The following CNST variants were observed in gnomAD, a reference collection of about 807,000 sequenced individuals.
The protein encoded by CNST is consortin, connexin sorting protein.
In CNST, 39 loss-of-function variants were observed where a neutral mutation model predicts 72.4. The observed-to-expected ratio is 0.54, with a 90% CI of 0.42 to 0.70. The LOEUF is 0.70. Among genes scored for constraint, CNST ranks in the 30% least tolerant of loss-of-function variants. CNST has a pLI of 0.00. For synonymous variants in CNST, 332 were observed against 320.1 expected (o/e 1.04, Z -0.40); for missense variants, 871 against 868.5 (o/e 1.00, Z -0.04).
At chr1:246,615,976 T>G (rs1371513347) in intron 2 of CNST, among the ~76,000 whole-genome samples, 4 of 152,192 alleles carry the variant, frequency 2.6e-5, no homozygotes, top group Non-Finnish European at 5.9e-5. Context: ...GGTCTTAAAT[T>G]AGGTCTTATG....
At chr1:246,636,308 G>T (rs1429967889) in intron 6 of CNST, among the ~76,000 whole-genome samples, 2 of 152,082 alleles carry the variant, frequency 1.3e-5, no homozygotes, top group Non-Finnish European at 2.9e-5. Context: ...CCTCTTACTG[G>T]GTTGGTAAGT....
intron 2 of CNST, chr1:246,608,218 G>A (rs763203436): frequency 6.6e-5 from 10 of 152,230 alleles, no homozygotes; most frequent in Non-Finnish European, 1.2e-4. Context: ...GGTGGCATGT[G>A]CCTGAGGTCC....
At chr1:246,642,132 GGTTTTTTTT>G (rs1665750573) in intron 8 of CNST, 95 bp downstream of exon 8, 2 of 198,356 alleles carry the variant, frequency 1.0e-5, no homozygotes. Flanking sequence ...CAAAGGATCT[GGTTTTTTTT>G]TTTTTTTTTT....
At chr1:246,645,673 C>CT (rs1666017012) in intron 8 of CNST, among the ~76,000 whole-genome samples, 2 of 151,314 alleles carry the variant, frequency 1.3e-5, no homozygotes, top group Admixed American at 6.6e-5. Flanking sequence ...GTGATCCATC[C>CT]GCCTCGGCCT....
chr1:246,601,367 T>C (rs1662279252), intron 2 of CNST, among the ~76,000 whole-genome samples: 1 of 152,108 alleles, frequency 6.6e-6, no homozygotes, highest in African/African-American at 2.4e-5. Flanking sequence ...AAAATGATGA[T>C]GAGCCACCAA....
In CNST at chr1:246,577,563, G is replaced by T. The variant is rs146413944; in HGVS notation, c.-52+10900G>T. On this transcript the variant is annotated intron_variant, in intron 1 of 10. Transcript: ENST00000366513. ...AGTTTTAAAAATTTCGGTAAAGGTG[G>T]TCATAATTCTTACAGGAACCAGTTT... Among the ~76,000 whole-genome samples the T allele has an allele frequency of 3.9e-3, 599 of 152,142 alleles. 10 individuals carry two copies. Among genetic ancestry groups the T allele is most frequent in the African/African-American group, 0.014 (575 of 41,404 alleles).
chr1:246,634,973 G>GTAGGTGTCTTCCGGCCGGGA (rs1365830235), intron 6 of CNST, among the ~76,000 whole-genome samples: 11 of 152,090 alleles, frequency 7.2e-5, no homozygotes, highest in African/African-American at 2.4e-4. Flanking sequence ...TCCGGCCGGG[G>GTAGGTGTCTTCCGGCCGGGA]TGCGTGTCTT....
chr1:246,667,321 T>G lies in CNST; in HGVS notation c.*1416T>G, dbSNP rs1667430672. ...TGTGAATCTTAAAGGGCTTTTTATA[T>G]CAGTTGAAAGTGTGTTACTGCGCAT... On this transcript the variant is annotated 3_prime_UTR_variant, in exon 11 of 11. Transcript: ENST00000366513. The G allele has an allele frequency of 1.3e-5, 2 of 152,342 alleles. No homozygotes were observed. The highest frequency in any genetic ancestry group is 4.1e-4 in the South Asian group (2 of 4,832). The allele number at this position is 152,342 out of a possible 1,614,324, so 9.4% of individuals were successfully genotyped here.
At chr1:246,606,875 T>A (rs1662879254) in intron 2 of CNST, 1 of 151,930 alleles carries the variant, frequency 6.6e-6, no homozygotes, top group South Asian at 2.1e-4. Flanking sequence ...AAGCCTGGGT[T>A]CCCCATATCC....
chr1:246,604,957 G>A (rs1057211322), intron 2 of CNST, among the ~76,000 whole-genome samples: 12 of 152,102 alleles, frequency 7.9e-5, no homozygotes, highest in African/African-American at 2.7e-4. Context: ...GTGAGCCACC[G>A]CACATGCACC....
In CNST at chr1:246,668,193, T is replaced by C. The variant is rs1667461616; in HGVS notation, c.*2288T>C. The stretch of plus-strand genomic sequence containing the variant: ...CCACCTGGTGGTGAAAGGATTGTTA[T>C]TTCACACATGAAAAATTCATCCAGT... On this transcript the variant is annotated 3_prime_UTR_variant, in exon 11 of 11. Coordinates refer to ENST00000366513, the MANE Select transcript of CNST (RefSeq NM_152609.3). 6.6e-6 allele frequency: 1 copy of C among 152,244 alleles called. No homozygotes were observed. 9.4% of individuals were successfully genotyped at this position (152,244 alleles called of 1,614,324 possible).
rs572420798 is a variant in CNST at position 246,591,454 on chromosome 1, C to G, written c.-51-58C>G. ...CTAAGAGAAGGGGAAAATCAAAGAT[C>G]ACTGAGAATCTGCAAAGGTTAGAAA... On this transcript the variant is annotated intron_variant, in intron 1 of 10. Transcript: ENST00000366513. 1.9e-5 allele frequency: 23 copies of G among 1,184,910 alleles called. No homozygotes were observed. In the Admixed American group the frequency reaches 5.0e-4, roughly 26 times the overall value. 73.4% of individuals were successfully genotyped at this position (1,184,910 alleles called of 1,614,324 possible). A position where few individuals can be genotyped will look rare whatever the true frequency, so the allele number is the denominator to read the frequency against.
At chr1:246,651,761 TATC>T (rs1321014168) in intron 9 of CNST, among the ~76,000 whole-genome samples, 7 of 152,226 alleles carry the variant, frequency 4.6e-5, no homozygotes, top group African/African-American at 1.4e-4. Context: ...CATGACACGT[TATC>T]ATCAAAAGTA....
At chr1:246,608,884 G>T (rs1663110011) in intron 2 of CNST, among the ~76,000 whole-genome samples, 1 of 152,222 alleles carries the variant, frequency 6.6e-6, no homozygotes, top group Non-Finnish European at 1.5e-5. Flanking sequence ...TCGCCATGTT[G>T]TATGCCTAGT....
chr1:246,576,159 C>T (rs1364159348), intron 1 of CNST, among the ~76,000 whole-genome samples: 3 of 136,584 alleles, frequency 2.2e-5, no homozygotes, highest in African/African-American at 5.7e-5. Context: ...TGGTTGAACC[C>T]GGGAGGTGGA....
chr1:246,600,234 T>C (rs904434500), intron 2 of CNST, among the ~76,000 whole-genome samples: 1 of 151,776 alleles, frequency 6.6e-6, no homozygotes, highest in African/African-American at 2.4e-5. Context: ...AAGAAAAGAG[T>C]GAATCAAGGG....
At chr1:246,664,835 T>C (rs1667321705) in intron 10 of CNST, among the ~76,000 whole-genome samples, 2 of 152,250 alleles carry the variant, frequency 1.3e-5, no homozygotes. Flanking sequence ...TACACTTTAA[T>C]CATGCTGCAG....
intron 1 of CNST, among the ~76,000 whole-genome samples, chr1:246,578,660 CTCCGTT>C (rs1660600154): frequency 6.6e-6 from 1 of 150,712 alleles, no homozygotes. Context: ...AACAGAGAGA[CTCCGTT>C]TCAAAAAAAA....
rs1208702872 is a variant in CNST, at chr1:246,647,534, G to T, written c.1333G>T (p.Ala445Ser). The T allele has an allele frequency of 6.2e-7, 1 of 1,614,084 alleles. No homozygotes were observed. The highest frequency in any genetic ancestry group is 1.3e-5 in the African/African-American group (1 of 74,936). ...ACCAGGCTGTGACCGTATACCTCCT[G>T]CATTGATTTCTGAGGGTAAATATTC... ...ISPGCDRIPP[A>S]LISEGKYSQA... Residue 445 changes from alanine (A) to serine (S), a missense_variant, in exon 9 of 11, where the codon GCA (alanine) becomes TCA (serine). Coordinates refer to ENST00000366513, the MANE Select transcript of CNST (RefSeq NM_152609.3).
Sources: allele counts gnomAD v4.1 joint callset (sites outside exome capture counted in the v4.1 genomes callset), GRCh38; gene constraint gnomAD v4.1.1; transcripts MANE v1.5; gene names NCBI Gene and HGNC (gene_info 2026-07-23, HGNC 2026-07-21).